The following CNTN4 variants were observed in gnomAD, a reference collection of about 807,000 sequenced individuals.
CNTN4 encodes contactin-4.
A neutral mutation model predicts 122.5 loss-of-function variants in CNTN4; 77 were observed. That is an observed-to-expected ratio of 0.63 (90% CI 0.52 to 0.76). CNTN4 has a LOEUF of 0.76. CNTN4 is among the 30% of genes least tolerant of loss of function. The probability of loss-of-function intolerance (pLI) is 0.00; values close to 1 mark genes in which losing one functional copy is unlikely to be tolerated. For missense variants in CNTN4, 1,256 were observed against 1,259.1 expected (o/e 1.00, Z 0.04); for synonymous variants, 512 against 447.0 (o/e 1.15, Z -1.83).
intron 2 of CNTN4, among the ~76,000 whole-genome samples, chr3:2,239,844 T>G (rs961420394): frequency 6.6e-6 from 1 of 152,202 alleles, no homozygotes; most frequent in Non-Finnish European, 1.5e-5. Context: ...GGAACAGATC[T>G]AGGAAGGAAG....
At chr3:2,170,093 G>A (rs373597820) in intron 2 of CNTN4, among the ~76,000 whole-genome samples, 28 of 151,860 alleles carry the variant, frequency 1.8e-4, no homozygotes, top group African/African-American at 5.3e-4. Flanking sequence ...AGGCCGAGGC[G>A]GGAGGATCAC....
At chr3:2,439,306 A>G (rs965489302) in intron 3 of CNTN4, among the ~76,000 whole-genome samples, 2 of 152,198 alleles carry the variant, frequency 1.3e-5, no homozygotes, top group African/African-American at 4.8e-5. Context: ...GGGCCAGGAT[A>G]TCTGTTTTAA....
chr3:2,621,313 A>C (rs1408790636), intron 4 of CNTN4, among the ~76,000 whole-genome samples: 1 of 152,186 alleles, frequency 6.6e-6, no homozygotes, highest in East Asian at 1.9e-4. Flanking sequence ...GTTTTATTCT[A>C]ATCGTCAGAT....
intron 18 of CNTN4, among the ~76,000 whole-genome samples, chr3:3,038,703 C>T (rs947408819): frequency 2.6e-5 from 4 of 152,208 alleles, no homozygotes; most frequent in Admixed American, 6.5e-5. Flanking sequence ...TCAGATAACA[C>T]GTGTGCCTTG....
intron 4 of CNTN4, among the ~76,000 whole-genome samples, chr3:2,670,367 G>A (rs2084432314): frequency 6.6e-6 from 1 of 152,040 alleles, no homozygotes; most frequent in African/African-American, 2.4e-5. Flanking sequence ...TGTCTCTTTT[G>A]ATCTTTGTTG....
intron 2 of CNTN4, among the ~76,000 whole-genome samples, chr3:2,206,999 T>C (rs2038384112): frequency 6.6e-6 from 1 of 151,792 alleles, no homozygotes; most frequent in Non-Finnish European, 1.5e-5. Context: ...TTTTGGTAAT[T>C]CTCTCAATAT....
At chr3:2,675,160 G>T (rs2084775371) in intron 4 of CNTN4, among the ~76,000 whole-genome samples, 1 of 151,622 alleles carries the variant, frequency 6.6e-6, no homozygotes, top group Non-Finnish European at 1.5e-5. Flanking sequence ...GCTTCCTCAG[G>T]TTGAAAAACA....
chr3:3,003,654 T>G (rs1328750144), intron 14 of CNTN4, among the ~76,000 whole-genome samples: 1 of 132,260 alleles, frequency 7.6e-6, no homozygotes, highest in Non-Finnish European at 1.5e-5. Flanking sequence ...ATGGAAATAT[T>G]CTGGAATTAG....
At chr3:2,922,565 G>T (rs2094438748) in intron 12 of CNTN4, among the ~76,000 whole-genome samples, 1 of 150,220 alleles carries the variant, frequency 6.7e-6, no homozygotes, top group Admixed American at 6.6e-5. Flanking sequence ...GATAACTTCA[G>T]AAGCTAATTA....
intron 6 of CNTN4, among the ~76,000 whole-genome samples, chr3:2,818,232 A>G (rs1224436905): frequency 2.0e-5 from 3 of 152,258 alleles, no homozygotes; most frequent in Non-Finnish European, 2.9e-5. Context: ...TAATGTACAA[A>G]CTTAAAATGT....
At chr3:2,395,417 G>T (rs911463482) in intron 3 of CNTN4, among the ~76,000 whole-genome samples, 6 of 152,186 alleles carry the variant, frequency 3.9e-5, no homozygotes, top group Admixed American at 3.3e-4. Flanking sequence ...TATATTAATA[G>T]GATTATGGAT....
intron 4 of CNTN4, among the ~76,000 whole-genome samples, chr3:2,619,556 G>A (rs566160963): frequency 6.6e-6 from 1 of 152,274 alleles, no homozygotes; most frequent in Non-Finnish European, 1.5e-5. Flanking sequence ...AAGGGTGGCT[G>A]TTGGATCATA....
intron 2 of CNTN4, among the ~76,000 whole-genome samples, chr3:2,120,403 A>ATT (rs1245238403): frequency 0.027 from 946 of 35,562 alleles, 18 homozygotes; most frequent in Non-Finnish European, 0.044. Flanking sequence ...ATATATATAT[A>ATT]TATTTTTTTT....
intron 13 of CNTN4, among the ~76,000 whole-genome samples, chr3:2,965,557 G>A (rs1236766153): frequency 6.6e-6 from 1 of 152,146 alleles, no homozygotes; most frequent in East Asian, 1.9e-4. Flanking sequence ...CATGTGCCTG[G>A]ATCCTTGCAG....
At chr3:2,241,275 A>G (rs957831668) in intron 2 of CNTN4, among the ~76,000 whole-genome samples, 1 of 152,186 alleles carries the variant, frequency 6.6e-6, no homozygotes, top group African/African-American at 2.4e-5. Context: ...TAGTAAATTA[A>G]TTTGTCTTTA....
Position 2,534,183 on chromosome 3 carries a change from G to T in CNTN4, c.-88-37233G>T, listed in dbSNP as rs187805842. The stretch of plus-strand genomic sequence containing the variant: ...TTTTAAACATGAAGTCCTTGCCCAT[G>T]CCTATGTCCTGAATGGTATTGCCTA... On this transcript the variant is annotated intron_variant, in intron 3 of 24. Transcript: ENST00000418658. Among the ~76,000 whole-genome samples, 396 of 152,252 alleles carry T rather than the reference G, an allele frequency of 2.6e-3. 1 individual carries two copies. The highest frequency in any genetic ancestry group is 4.4e-3 in the Non-Finnish European group (300 of 68,014).
rs965999912 is a variant in CNTN4 at position 2,523,367 on chromosome 3, A to C, written c.-88-48049A>C. On this transcript the variant is annotated intron_variant, in intron 3 of 24. Transcript: ENST00000418658. ...AAAGCAAGAGACCTTAAAAAAAAAA[A>C]AAAAACAAAACTTTTTTCTATTTGT... Among the ~76,000 whole-genome samples the C allele has an allele frequency of 4.9e-5, 7 of 143,372 alleles. 1 individual carries two copies. Among genetic ancestry groups the C allele is most frequent in the African/African-American group, 1.5e-4 (6 of 40,450 alleles). The allele number at this position is 143,372 out of a possible 152,430, so 94.1% of individuals were successfully genotyped here. A position where few individuals can be genotyped will look rare whatever the true frequency, so the allele number is the denominator to read the frequency against.
chr3:2,699,115 A>C (rs2149247550), intron 4 of CNTN4, among the ~76,000 whole-genome samples: 1 of 152,352 alleles, frequency 6.6e-6, no homozygotes, highest in South Asian at 2.1e-4. Context: ...AATGCTTGGA[A>C]GAATTTGATG....
chr3:2,535,735 T>A (rs769208960), intron 3 of CNTN4, among the ~76,000 whole-genome samples: 4 of 152,188 alleles, frequency 2.6e-5, no homozygotes, highest in African/African-American at 4.8e-5. Context: ...TTGATGTTAT[T>A]TCTACTATTA....
Sources: allele counts gnomAD v4.1 joint callset (sites outside exome capture counted in the v4.1 genomes callset), GRCh38; gene constraint gnomAD v4.1.1; transcripts MANE v1.5; gene names NCBI Gene and HGNC (gene_info 2026-07-23, HGNC 2026-07-21).